Variants in GRIP1 observed in about 807,000 individuals in gnomAD.
GRIP1 encodes the protein glutamate receptor-interacting protein 1.
Under a neutral mutation model 129.9 loss-of-function variants are expected in GRIP1, and 45 were observed. The ratio of observed to expected loss-of-function variants is 0.35; its 90% CI spans 0.27 to 0.44. The LOEUF (loss-of-function observed/expected upper bound fraction) is 0.44. GRIP1 is among the 20% of genes least tolerant of loss of function. GRIP1 has a pLI of 1.00. For missense variants in GRIP1, 1,196 were observed against 1,396.8 expected, an observed-to-expected ratio of 0.86 and a Z score of 2.29; for synonymous variants, 530 against 520.8, an observed-to-expected ratio of 1.02 and a Z score of -0.24.
chr12:66,620,791 C>A (rs561193188), intron 1 of GRIP1, among the ~76,000 whole-genome samples: 3 of 151,964 alleles, frequency 2.0e-5, no homozygotes, highest in Non-Finnish European at 2.9e-5. Context: ...CCCTCCCCCC[C>A]AGACTTTTAA....
chr12:66,822,341 T>C (rs904636163), intron 1 of GRIP1, among the ~76,000 whole-genome samples: 5 of 152,150 alleles, frequency 3.3e-5, no homozygotes, highest in African/African-American at 1.2e-4. Flanking sequence ...ATTAAAAAGT[T>C]GAAAAACAAT....
In GRIP1 at chr12:66,712,446, A is replaced by C. The variant is rs552753348; in HGVS notation, c.-419-82110T>G. Among the ~76,000 whole-genome samples the C allele has an allele frequency of 2.6e-5, 4 of 152,096 alleles. No homozygotes were observed. The East Asian group carries it at 7.8e-4, about 29-fold the overall frequency. On this transcript the variant is annotated intron_variant, in intron 1 of 4. Transcript: ENST00000538373. ...TCAGGTTTTCTGCTTCCTCTGAAAT[A>C]TCTTTCAATTTTGAGCTTCATTTTC...
chr12:66,479,834 A>G (rs1032549180), intron 7 of GRIP1, among the ~76,000 whole-genome samples: 27 of 143,302 alleles, frequency 1.9e-4, no homozygotes, highest in African/African-American at 6.0e-4. Flanking sequence ...GATTATCTCA[A>G]TAGATGTAGA....
intron 14 of GRIP1, among the ~76,000 whole-genome samples, chr12:66,428,669 C>T (rs549278527): frequency 3.3e-5 from 5 of 152,256 alleles, no homozygotes; most frequent in South Asian, 2.1e-4. Flanking sequence ...GGCAGGTTAC[C>T]CAGCTGAGTT....
At chr12:66,431,505 C>T (rs2058146821) in intron 14 of GRIP1, among the ~76,000 whole-genome samples, 1 of 152,092 alleles carries the variant, frequency 6.6e-6, no homozygotes, top group Admixed American at 6.6e-5. Context: ...AAATTTGTAT[C>T]GTCCATGTTG....
intron 5 of GRIP1, among the ~76,000 whole-genome samples, chr12:66,520,641 G>C (rs2060973084): frequency 6.6e-6 from 1 of 152,184 alleles, no homozygotes; most frequent in Admixed American, 6.5e-5. Flanking sequence ...ACAGATAGTG[G>C]AAATTCCTGC....
At chr12:66,867,418 A>T (rs1214577337) in intron 1 of GRIP1, among the ~76,000 whole-genome samples, 1 of 152,126 alleles carries the variant, frequency 6.6e-6, no homozygotes, top group East Asian at 1.9e-4. Context: ...TTTCACTTTA[A>T]ATTTAAAAAT....
chr12:66,363,195 GTGTCCA>G (rs1211549263), intron 23 of GRIP1, among the ~76,000 whole-genome samples: 1 of 37,642 alleles, frequency 2.7e-5, no homozygotes, highest in Non-Finnish European at 5.6e-5. Context: ...ATGTGTGTGT[GTGTCCA>G]TATATATATA....
At chr12:66,704,234 T>G (rs1439782314) in intron 1 of GRIP1, among the ~76,000 whole-genome samples, 1 of 152,050 alleles carries the variant, frequency 6.6e-6, no homozygotes, top group African/African-American at 2.4e-5. Flanking sequence ...GAAAAACATT[T>G]AGGTGAACAT....
intron 1 of GRIP1, among the ~76,000 whole-genome samples, chr12:66,723,294 TTC>T (rs370291548): frequency 0.31 from 19,012 of 61,206 alleles, 3,191 homozygotes; most frequent in South Asian, 0.38. Context: ...CTTTCTTTCT[TTC>T]TTTCTTTCTT....
intron 1 of GRIP1, among the ~76,000 whole-genome samples, chr12:66,873,437 A>G (rs1310798232): frequency 6.6e-6 from 1 of 152,104 alleles, no homozygotes; most frequent in Non-Finnish European, 1.5e-5. Context: ...AAAGATGTCT[A>G]GGAGTTGCAG....
chr12:66,996,873 A>G (rs2135666808), intron 1 of GRIP1, among the ~76,000 whole-genome samples: 1 of 152,282 alleles, frequency 6.6e-6, no homozygotes, highest in South Asian at 2.1e-4. Context: ...AACCTTCTAC[A>G]CTTCCAGAAA....
chr12:66,682,124 G>A (rs2034608062), upstream of GRIP1, among the ~76,000 whole-genome samples: 1 of 152,128 alleles, frequency 6.6e-6, no homozygotes, highest in South Asian at 2.1e-4. Flanking sequence ...CTGCTTCCTT[G>A]CCACCAATAC....
At chr12:66,748,737 G>C (rs2037031349) in intron 1 of GRIP1, among the ~76,000 whole-genome samples, 1 of 152,022 alleles carries the variant, frequency 6.6e-6, no homozygotes, top group South Asian at 2.1e-4. Context: ...TTTCTATATG[G>C]TCTTTTTTTC....
chr12:66,663,327 C>T (rs1483501995), intron 1 of GRIP1, among the ~76,000 whole-genome samples: 1 of 152,100 alleles, frequency 6.6e-6, no homozygotes, highest in Non-Finnish European at 1.5e-5. Context: ...GGGGAAGGTA[C>T]ATTGTGTAGA....
chr12:66,545,566 C>T (rs191180569), intron 2 of GRIP1, among the ~76,000 whole-genome samples: 5 of 152,222 alleles, frequency 3.3e-5, no homozygotes, highest in East Asian at 3.9e-4. Context: ...ATGAAGACAA[C>T]TTTAAAGTGC....
intron 1 of GRIP1, among the ~76,000 whole-genome samples, chr12:66,932,071 T>A (rs376433739): frequency 6.8e-4 from 103 of 152,210 alleles, no homozygotes; most frequent in African/African-American, 2.3e-3. Context: ...AATATTTCCT[T>A]TCATATCTCC....
At chr12:66,488,703 T>A in intron 7 of GRIP1, among the ~76,000 whole-genome samples, 1 of 69,188 alleles carries the variant, frequency 1.4e-5, no homozygotes, top group African/African-American at 1.3e-4. Context: ...TTTGAAAAAA[T>A]TAATAAAATA....
chr12:66,701,786 C>A (rs2035362307), intron 1 of GRIP1, among the ~76,000 whole-genome samples: 1 of 152,214 alleles, frequency 6.6e-6, no homozygotes, highest in South Asian at 2.1e-4. Context: ...AATTAAGCTT[C>A]CTTGAGTTAA....
Sources: gnomAD v4.1 joint callset for allele counts (sites outside exome capture counted in the v4.1 genomes callset) on GRCh38, gnomAD v4.1.1 for gene constraint, MANE v1.5 for transcripts, NCBI Gene and HGNC (gene_info 2026-07-23, HGNC 2026-07-21) for gene names.